The following ACSS3 variants were observed in gnomAD, a reference collection of about 807,000 sequenced individuals.
ACSS3 encodes acyl-CoA synthetase short chain family member 3, also known as acyl-CoA synthetase short-chain family member 3, mitochondrial.
ACSS3 carries 64 observed loss-of-function variants against 84.2 expected under a neutral mutation model. The observed-to-expected ratio is 0.76, with a 90% CI of 0.62 to 0.94. The LOEUF (loss-of-function observed/expected upper bound fraction) is 0.94, where lower values mean the gene tolerates loss of function less well. ACSS3 is among the 40% of genes least tolerant of loss of function. The probability of loss-of-function intolerance (pLI) is 0.00; values close to 1 mark genes in which losing one functional copy is unlikely to be tolerated. For synonymous variants in ACSS3, 317 were observed against 310.1 expected (o/e 1.02, Z -0.23); for missense variants, 815 against 867.6 (o/e 0.94, Z 0.76).
chr12:81,153,843 T>C (rs1009248552), intron 7 of ACSS3, among the ~76,000 whole-genome samples: 1 of 152,238 alleles, frequency 6.6e-6, no homozygotes, highest in African/African-American at 2.4e-5. Context: ...ATTTGTGTTC[T>C]TTCATTTTTA....
intron 1 of ACSS3, among the ~76,000 whole-genome samples, chr12:81,092,726 A>G (rs1438285124): frequency 6.6e-6 from 1 of 152,150 alleles, no homozygotes; most frequent in Non-Finnish European, 1.5e-5. Context: ...GAGATCTTCG[A>G]TAATTGAGCA....
rs1321544746 is a variant in ACSS3 at position 81,151,900 on chromosome 12, C to T, written c.978C>T (p.Ser326=). The change falls in exon 6 of 16, where the codon TCC becomes TCT. Residue 326 remains serine (S), a synonymous_variant. Coordinates refer to ENST00000548058, the MANE Select transcript of ACSS3 (RefSeq NM_024560.4). ...TCATGCTACACTGGTCAATGTCTTC[C>T]ATATACGGACTTCAACCCGGAGAGG... ...YAVMLHWSMS[S]IYGLQPGEVW... 5.0e-6 allele frequency: 8 copies of T among 1,613,722 alleles called. No homozygotes were observed. In the African/African-American group the frequency reaches 9.3e-5, roughly 19 times the overall value.
intron 7 of ACSS3, among the ~76,000 whole-genome samples, chr12:81,163,738 T>C (rs1190302117): frequency 6.6e-6 from 1 of 152,158 alleles, no homozygotes; most frequent in Non-Finnish European, 1.5e-5. Context: ...ATGTGTATGT[T>C]TGTGTCTTAG....
intron 7 of ACSS3, among the ~76,000 whole-genome samples, chr12:81,152,630 T>C (rs2135756504): frequency 6.6e-6 from 1 of 152,290 alleles, no homozygotes; most frequent in East Asian, 1.9e-4. Flanking sequence ...TTTCTTTGCA[T>C]ATAGGAAATT....
intron 8 of ACSS3, among the ~76,000 whole-genome samples, chr12:81,194,579 T>A (rs540954797): frequency 6.6e-6 from 1 of 151,922 alleles, no homozygotes; most frequent in Non-Finnish European, 1.5e-5. Context: ...CTTTCAGAGA[T>A]GAAACCACTT....
At chr12:81,164,752 G>A (rs77630206) in intron 7 of ACSS3, among the ~76,000 whole-genome samples, 3,348 of 152,242 alleles carry the variant, frequency 0.022, 79 homozygotes, top group South Asian at 0.11. Context: ...CTACATGGAG[G>A]TAGTTATCTT....
At chr12:81,175,834 C>A (rs1219841539) in intron 8 of ACSS3, among the ~76,000 whole-genome samples, 1 of 152,158 alleles carries the variant, frequency 6.6e-6, no homozygotes, top group Admixed American at 6.6e-5. Context: ...ATACCAGATT[C>A]TCTGGGTCAT....
At position 81,149,357 on chromosome 12, in the gene ACSS3, A is replaced by G. The variant is rs77721854; in HGVS notation, c.922-2487A>G. On this transcript the variant is annotated intron_variant, in intron 5 of 15. Coordinates refer to ENST00000548058, the MANE Select transcript of ACSS3 (RefSeq NM_024560.4). ...TTATCATTACCTGGAAAATGTGATTATAAACAGGAAACAAAAATGCTTTAT... is the reference window on the plus strand; with the variant it reads ...TTATCATTACCTGGAAAATGTGATTGTAAACAGGAAACAAAAATGCTTTAT... 2.6e-3 allele frequency among the ~76,000 whole-genome samples: 393 copies of G among 152,316 alleles called. 1 individual carries two copies. The highest frequency in any genetic ancestry group is 4.8e-3 in the Non-Finnish European group (329 of 68,020).
chr12:81,105,079 A>G (rs1672089962), intron 1 of ACSS3, among the ~76,000 whole-genome samples: 1 of 152,170 alleles, frequency 6.6e-6, no homozygotes, highest in Non-Finnish European at 1.5e-5. Flanking sequence ...AGATCCAAAA[A>G]TTATGCGTTA....
chr12:81,249,020 G>A (rs1237896240), intron 13 of ACSS3, among the ~76,000 whole-genome samples: 1 of 151,936 alleles, frequency 6.6e-6, no homozygotes, highest in Non-Finnish European at 1.5e-5. Flanking sequence ...ATCAATTTAA[G>A]AGGACAGTAT....
chr12:81,230,618 T>C (rs898920347), intron 11 of ACSS3, among the ~76,000 whole-genome samples: 2 of 151,888 alleles, frequency 1.3e-5, no homozygotes, highest in African/African-American at 2.4e-5. Context: ...CACTGGGTGC[T>C]TAATTAGAAT....
chr12:81,223,618 G>A (rs970664737), intron 11 of ACSS3, among the ~76,000 whole-genome samples: 1 of 152,010 alleles, frequency 6.6e-6, no homozygotes, highest in African/African-American at 2.4e-5. Context: ...AACATTAGTA[G>A]TTGCACAGCT....
At chr12:81,080,985 C>T (rs1476298884) in intron 1 of ACSS3, among the ~76,000 whole-genome samples, 7 of 152,214 alleles carry the variant, frequency 4.6e-5, no homozygotes, top group South Asian at 4.2e-4. Flanking sequence ...CAAAACAAGG[C>T]GAGATTGCTA....
chr12:81,181,022 A>G (rs1565708092), intron 8 of ACSS3, among the ~76,000 whole-genome samples: 1 of 152,196 alleles, frequency 6.6e-6, no homozygotes, highest in Admixed American at 6.5e-5. Flanking sequence ...GAAATGCCAG[A>G]GTATTTTACT....
intron 9 of ACSS3, among the ~76,000 whole-genome samples, chr12:81,200,990 C>T (rs540906523): frequency 1.3e-5 from 2 of 151,930 alleles, no homozygotes; most frequent in South Asian, 2.1e-4. Flanking sequence ...GCAGAGGACA[C>T]TTTCCTTACA....
chr12:81,188,815 A>G (rs2031415243), intron 8 of ACSS3, among the ~76,000 whole-genome samples: 1 of 152,114 alleles, frequency 6.6e-6, no homozygotes, highest in Admixed American at 6.6e-5. Context: ...ACAGTCATAC[A>G]TTTACTCCGT....
chr12:81,081,205 G>A (rs1333130151), intron 1 of ACSS3, among the ~76,000 whole-genome samples: 1 of 152,176 alleles, frequency 6.6e-6, no homozygotes, highest in Non-Finnish European at 1.5e-5. Context: ...GACATAAGCT[G>A]TGCAATATTC....
At chr12:81,200,423 T>A (rs372891975) in intron 9 of ACSS3, among the ~76,000 whole-genome samples, 9 of 152,326 alleles carry the variant, frequency 5.9e-5, no homozygotes, top group African/African-American at 1.4e-4. Context: ...CAAATTTGGG[T>A]TAAAAATTAG....
chr12:81,221,021 C>T (rs1379134556), intron 11 of ACSS3, among the ~76,000 whole-genome samples: 2 of 151,940 alleles, frequency 1.3e-5, no homozygotes, highest in African/African-American at 4.8e-5. Flanking sequence ...AGCAAATATC[C>T]CATCTTCTTG....
Sources: gnomAD v4.1 joint callset for allele counts (sites outside exome capture counted in the v4.1 genomes callset) on GRCh38, gnomAD v4.1.1 for gene constraint, MANE v1.5 for transcripts, NCBI Gene and HGNC (gene_info 2026-07-23, HGNC 2026-07-21) for gene names.